Variants in PRKCE observed in about 807,000 individuals in gnomAD.
PRKCE encodes the protein protein kinase C epsilon, also known as protein kinase C epsilon type.
Under a neutral mutation model 85.4 loss-of-function variants are expected in PRKCE, and 16 were observed. That is an observed-to-expected ratio of 0.19 (90% CI 0.13 to 0.28). The LOEUF is 0.28. PRKCE is among the 10% of genes least tolerant of loss of function. The pLI is 1.00. For synonymous variants in PRKCE, 388 were observed against 371.5 expected, an observed-to-expected ratio of 1.04 and a Z score of -0.51; for missense variants, 573 against 975.2, an observed-to-expected ratio of 0.59 and a Z score of 5.49.
At chr2:45,703,023 C>A (rs1327759438) in intron 1 of PRKCE, among the ~76,000 whole-genome samples, 6 of 150,552 alleles carry the variant, frequency 4.0e-5, no homozygotes, top group African/African-American at 1.5e-4. Context: ...GCCTTTTTTC[C>A]CCCCCCGTCA....
At chr2:46,179,461 A>T (rs1267453248) in intron 14 of PRKCE, among the ~76,000 whole-genome samples, 1 of 152,002 alleles carries the variant, frequency 6.6e-6, no homozygotes, top group Non-Finnish European at 1.5e-5. Context: ...TGAAACTCTT[A>T]TTTCCTCCCT....
intron 1 of PRKCE, among the ~76,000 whole-genome samples, chr2:45,702,180 C>G (rs1381736324): frequency 2.0e-5 from 3 of 152,138 alleles, no homozygotes; most frequent in African/African-American, 7.2e-5. Flanking sequence ...CAGAGCGAGA[C>G]TGTCTCAAAA....
intron 2 of PRKCE, among the ~76,000 whole-genome samples, chr2:45,876,102 T>A (rs180680488): frequency 6.6e-6 from 1 of 152,238 alleles, no homozygotes; most frequent in South Asian, 2.1e-4. Context: ...TGGACATTAC[T>A]GAGTACCTGT....
chr2:46,097,030 A>G (rs1670753849), intron 11 of PRKCE, among the ~76,000 whole-genome samples: 1 of 152,190 alleles, frequency 6.6e-6, no homozygotes, highest in Non-Finnish European at 1.5e-5. Flanking sequence ...GTAACACTGC[A>G]GTCTGGGAGG....
chr2:45,778,935 C>G (rs879805319), intron 1 of PRKCE, among the ~76,000 whole-genome samples: 1 of 152,230 alleles, frequency 6.6e-6, no homozygotes, highest in Admixed American at 6.5e-5. Context: ...ACGTCTCCTT[C>G]TCATTCTCTT....
chr2:45,720,073 C>A lies in PRKCE; in HGVS notation c.348+67625C>A, dbSNP rs547266784. Among the ~76,000 whole-genome samples the A allele has an allele frequency of 2.0e-5, 3 of 152,272 alleles. No homozygotes were observed. In the South Asian group the frequency reaches 6.2e-4, roughly 32 times the overall value. On this transcript the variant is annotated intron_variant, in intron 1 of 14. Coordinates refer to ENST00000306156, the MANE Select transcript of PRKCE (RefSeq NM_005400.3). ...AGCAGAATCTAAAGTCACACAGAAA[C>A]AGCATTCCTTGGCTGCATCCTTCTT...
chr2:46,090,430 T>C (rs1670055121), intron 11 of PRKCE, among the ~76,000 whole-genome samples: 1 of 152,142 alleles, frequency 6.6e-6, no homozygotes, highest in African/African-American at 2.4e-5. Flanking sequence ...CCTTGGGTTT[T>C]TACTTATGAT....
chr2:45,915,918 A>G (rs750457855), intron 2 of PRKCE, among the ~76,000 whole-genome samples: 87 of 152,200 alleles, frequency 5.7e-4, no homozygotes, highest in Non-Finnish European at 1.6e-4. Flanking sequence ...AAATCGGGGT[A>G]TCTCTTCCAC....
chr2:46,134,254 G>A (rs1359493287), intron 11 of PRKCE, among the ~76,000 whole-genome samples: 1 of 152,094 alleles, frequency 6.6e-6, no homozygotes, highest in Non-Finnish European at 1.5e-5. Context: ...GTGGGAACTT[G>A]GAGACCCTGC....
chr2:45,880,432 T>A (rs1188321714), intron 2 of PRKCE, among the ~76,000 whole-genome samples: 2 of 152,190 alleles, frequency 1.3e-5, no homozygotes, highest in African/African-American at 2.4e-5. Context: ...ATTTGTAGTG[T>A]GAGGAATGGA....
At chr2:46,152,721 G>C (rs541018015) in intron 13 of PRKCE, among the ~76,000 whole-genome samples, 190 of 151,562 alleles carry the variant, frequency 1.3e-3, no homozygotes, top group African/African-American at 4.5e-3. Context: ...GCTAATTTTT[G>C]TATTTTTAGT....
chr2:46,136,693 G>A (rs1414729134), intron 11 of PRKCE, among the ~76,000 whole-genome samples: 2 of 152,200 alleles, frequency 1.3e-5, no homozygotes, highest in East Asian at 1.9e-4. Context: ...GCTGTCGCAT[G>A]AATCCTGTTG....
chr2:45,941,970 C>A (rs1699907567), intron 2 of PRKCE, among the ~76,000 whole-genome samples: 1 of 152,176 alleles, frequency 6.6e-6, no homozygotes, highest in Non-Finnish European at 1.5e-5. Context: ...CTGCAGGTAG[C>A]TGAAGTTTTT....
At chr2:46,032,244 G>A (rs1002557931) in intron 10 of PRKCE, among the ~76,000 whole-genome samples, 1 of 151,492 alleles carries the variant, frequency 6.6e-6, no homozygotes, top group African/African-American at 2.4e-5. Flanking sequence ...ATCTTTCTTT[G>A]ACAGATGAGG....
chr2:45,662,089 C>G (rs967429644), intron 1 of PRKCE, among the ~76,000 whole-genome samples: 6 of 152,104 alleles, frequency 3.9e-5, no homozygotes, highest in Non-Finnish European at 7.4e-5. Flanking sequence ...TTTAATCAGA[C>G]TGACTGAGTC....
intron 1 of PRKCE, among the ~76,000 whole-genome samples, chr2:45,804,518 A>G (rs1181781415): frequency 6.6e-6 from 1 of 152,180 alleles, no homozygotes; most frequent in Non-Finnish European, 1.5e-5. Flanking sequence ...CTTCTCCTAT[A>G]CTGAGGTGCT....
At chr2:45,658,972 T>C (rs139444665) in intron 1 of PRKCE, among the ~76,000 whole-genome samples, 1 of 152,328 alleles carries the variant, frequency 6.6e-6, no homozygotes, top group African/African-American at 2.4e-5. Flanking sequence ...TATGGGTAAT[T>C]GGAAATGAGG....
intron 1 of PRKCE, among the ~76,000 whole-genome samples, chr2:45,682,555 T>A (rs1676989087): frequency 6.6e-6 from 1 of 152,020 alleles, no homozygotes; most frequent in African/African-American, 2.4e-5. Context: ...GCCTCCCAAG[T>A]AACTGGGATT....
rs56281653 is a variant in PRKCE at position 45,873,455 on chromosome 2, CAAA to C, written c.412+30411_412+30413del. ...CCAAGACCACATAGATAGTAGACTG[CAAA>C]AAAAAAAAAAAAAAAAAACAAAAAA... On this transcript the variant is annotated intron_variant, in intron 2 of 14. Transcript: ENST00000306156. Among the ~76,000 whole-genome samples the C allele has an allele frequency of 3.4e-4, 49 of 143,846 alleles. 2 individuals carry two copies. The highest frequency in any genetic ancestry group is 2.4e-3 in the South Asian group (11 of 4,564). 94.4% of individuals were successfully genotyped at this position (143,846 alleles called of 152,430 possible). A position where few individuals can be genotyped will look rare whatever the true frequency, so the allele number is the denominator to read the frequency against.
Sources: allele counts gnomAD v4.1 joint callset (sites outside exome capture counted in the v4.1 genomes callset), GRCh38; gene constraint gnomAD v4.1.1; transcripts MANE v1.5; gene names NCBI Gene and HGNC (gene_info 2026-07-23, HGNC 2026-07-21).